The following SDK2 variants were observed in gnomAD, a reference collection of about 807,000 sequenced individuals.
The protein encoded by SDK2 is protein sidekick-2.
Under a neutral mutation model 253.9 loss-of-function variants are expected in SDK2, and 105 were observed. That is an observed-to-expected ratio of 0.41 (90% CI 0.35 to 0.49). SDK2 has a LOEUF of 0.49. Ranked by LOEUF, SDK2 falls within the 20% of genes least tolerant of loss-of-function variation. SDK2 has a pLI of 0.06. For synonymous variants in SDK2, 1,249 were observed against 1,234.9 expected, an observed-to-expected ratio of 1.01 and a Z score of -0.24; for missense variants, 2,608 against 3,003.0, an observed-to-expected ratio of 0.87 and a Z score of 3.07.
intron 1 of SDK2, among the ~76,000 whole-genome samples, chr17:73,545,810 T>C (rs911336694): frequency 3.3e-5 from 5 of 152,114 alleles, no homozygotes; most frequent in Non-Finnish European, 5.9e-5. Context: ...TCTGGTCTCA[T>C]TCTTCCACCA....
At chr17:73,366,270 C>T (rs1406038885) in intron 37 of SDK2, among the ~76,000 whole-genome samples, 1 of 152,154 alleles carries the variant, frequency 6.6e-6, no homozygotes, top group African/African-American at 2.4e-5. Flanking sequence ...GTCCTGCTGC[C>T]GCAGTGACGG....
intron 38 of SDK2, 136 bp downstream of exon 38, chr17:73,365,122 C>T: frequency 1.7e-6 from 1 of 579,372 alleles, no homozygotes; most frequent in South Asian, 4.4e-5. Context: ...TTGTCTGGGA[C>T]TCAGTTTCCG....
Position 73,457,296 on chromosome 17 carries a change from T to TCC in SDK2, c.332-1245_332-1244dup, listed in dbSNP as rs2063535056. ...CTTCCTTCCTTCCTTCCCCCCTCCC[T>TCC]CCCTCCCCCTCCCCCCCTCCCCTCT... On this transcript the variant is annotated intron_variant, in intron 3 of 44. Transcript: ENST00000392650. Among the ~76,000 whole-genome samples, 54 of 16,376 alleles carry TCC rather than the reference T, an allele frequency of 3.3e-3. 7 individuals carry two copies. In the East Asian group the frequency reaches 0.098, roughly 30 times the overall value. 10.7% of individuals were successfully genotyped at this position (16,376 alleles called of 152,430 possible).
chr17:73,406,585 C>T (rs749799836), intron 18 of SDK2, among the ~76,000 whole-genome samples: 22 of 152,142 alleles, frequency 1.4e-4, no homozygotes, highest in Non-Finnish European at 2.2e-4. Flanking sequence ...GAAGAAAAAA[C>T]CAAACCAAGA....
chr17:73,338,680 G>T lies in SDK2; in HGVS notation c.6426C>A (p.Asn2142Lys), dbSNP rs1305266997. 1.9e-6 allele frequency: 3 copies of T among 1,597,504 alleles called. No individual in the cohort carries two copies. Among genetic ancestry groups the T allele is most frequent in the Middle Eastern group, 1.7e-4 (1 of 5,936 alleles). Residue 2142 changes from asparagine to lysine, a missense_variant, in exon 45 of 45, where the codon AAC becomes AAA. Coordinates refer to ENST00000392650, the MANE Select transcript of SDK2 (RefSeq NM_001144952.2). The surrounding 1 kb of genome is among the most constrained non-coding windows in gnomAD (Gnocchi z 5.0). ...AGAGGGTGCTCTGCTGACTTGGGGG[G>T]TTAGGGGGGTTCTGGGGCGTTGGAG... Reference protein sequence around the residue: ...SRTPTPQNPPNPPSQQSTLYR... With the variant: ...SRTPTPQNPPKPPSQQSTLYR...
rs1223668965 is a variant in SDK2, at chr17:73,643,054, C to G, written c.64+971G>C. 2.0e-5 allele frequency: 3 copies of G among 152,372 alleles called. No homozygotes were observed. In the East Asian group the frequency reaches 5.8e-4, roughly 29 times the overall value. The allele number at this position is 152,372 out of a possible 1,614,324, so 9.4% of individuals were successfully genotyped here. A position where few individuals can be genotyped will look rare whatever the true frequency, so the allele number is the denominator to read the frequency against. On this transcript the variant is annotated intron_variant, in intron 1 of 44. Coordinates refer to ENST00000392650, the MANE Select transcript of SDK2 (RefSeq NM_001144952.2). This position sits in a 1 kb window ranked among gnomAD's most constrained non-coding sequence, Gnocchi z 6.9. ...GCCCCCAGCAGGCGCCGCTCGGACA[C>G]CGCTGACACCACTGTCTGGATCGGC... is the stretch of plus-strand genomic sequence containing the variant.
At chr17:73,517,281 A>G (rs1455425637) in intron 1 of SDK2, 1 of 152,172 alleles carries the variant, frequency 6.6e-6, no homozygotes, top group Non-Finnish European at 1.5e-5. Context: ...CCCCAAATTC[A>G]TGTCCTTCCC....
intron 38 of SDK2, among the ~76,000 whole-genome samples, chr17:73,364,256 C>T (rs1203132577): frequency 6.6e-6 from 1 of 152,106 alleles, no homozygotes; most frequent in Non-Finnish European, 1.5e-5. Flanking sequence ...TACCAGATGC[C>T]CATTGTCAGG....
intron 1 of SDK2, among the ~76,000 whole-genome samples, chr17:73,622,033 G>A (rs1252275431): frequency 6.6e-6 from 1 of 152,192 alleles, no homozygotes; most frequent in Non-Finnish European, 1.5e-5. Flanking sequence ...CCAGTTCTCA[G>A]CTACCCGTCC....
intron 17 of SDK2, among the ~76,000 whole-genome samples, chr17:73,415,379 GTC>G (rs1162039959): frequency 4.2e-4 from 57 of 137,200 alleles, no homozygotes; most frequent in African/African-American, 1.3e-3. Flanking sequence ...TTGAGACAGA[GTC>G]TCACTTTGTC....
intron 29 of SDK2, among the ~76,000 whole-genome samples, chr17:73,388,699 T>C (rs141238638): frequency 6.6e-6 from 1 of 151,828 alleles, no homozygotes; most frequent in Non-Finnish European, 1.5e-5. Flanking sequence ...ACTGTACTAA[T>C]GGTTTTTCCT....
At chr17:73,579,388 G>A (rs1311481536) in intron 1 of SDK2, among the ~76,000 whole-genome samples, 1 of 152,096 alleles carries the variant, frequency 6.6e-6, no homozygotes, top group Non-Finnish European at 1.5e-5. Flanking sequence ...TCATGCTCTT[G>A]CCTATCACAC....
In SDK2 at chr17:73,365,728, G is replaced by C. The variant is rs565242367; in HGVS notation, c.5168-333C>G. Among the ~76,000 whole-genome samples, 3 of 152,282 alleles carry C rather than the reference G, an allele frequency of 2.0e-5. No homozygotes were observed. The East Asian group carries it at 5.8e-4, about 30-fold the overall frequency. On this transcript the variant is annotated intron_variant, in intron 37 of 44. Coordinates refer to ENST00000392650, the MANE Select transcript of SDK2 (RefSeq NM_001144952.2). ...AAGCTGTCACACCCCCGGGGTCATC[G>C]TGGGGCAAGGCCATTTCCTGGCTTT...
intron 5 of SDK2, among the ~76,000 whole-genome samples, chr17:73,442,543 G>A (rs981383946): frequency 2.6e-5 from 4 of 152,126 alleles, no homozygotes; most frequent in African/African-American, 7.2e-5. Context: ...GTTTCACTAT[G>A]TTGGCCAGGC....
chr17:73,394,520 C>T (rs1454374907), intron 25 of SDK2, among the ~76,000 whole-genome samples, 196 bp from the exon 26 acceptor site: 10 of 152,202 alleles, frequency 6.6e-5, no homozygotes, highest in Admixed American at 6.5e-5. Context: ...CTGCAGATGC[C>T]GTTTCCGGTT....
Position 73,361,540 on chromosome 17 carries a change from G to T in SDK2, c.5467+144C>A. 1 of 750,616 alleles carries T rather than the reference G, an allele frequency of 1.3e-6. No homozygotes were observed. Among genetic ancestry groups the T allele is most frequent in the Non-Finnish European group, 2.1e-6 (1 of 477,970 alleles). 46.5% of individuals were successfully genotyped at this position (750,616 alleles called of 1,614,324 possible). On this transcript the variant is annotated intron_variant, in intron 39 of 44. Transcript: ENST00000392650. The surrounding 1 kb of genome is among the most constrained non-coding windows in gnomAD (Gnocchi z 4.1). The stretch of plus-strand genomic sequence containing the variant: ...CCGGGAGGAGGGAGCGGGGGGAGGG[G>T]TCACTGGGCACCAGGGGAAAGAGTG...
At chr17:73,535,068 T>A (rs1413216460) in intron 1 of SDK2, among the ~76,000 whole-genome samples, 1 of 152,152 alleles carries the variant, frequency 6.6e-6, no homozygotes, top group Non-Finnish European at 1.5e-5. Flanking sequence ...CCTGCCCATC[T>A]CATAGTGACA....
chr17:73,532,720 G>C (rs532258824), intron 1 of SDK2, among the ~76,000 whole-genome samples: 2 of 152,152 alleles, frequency 1.3e-5, no homozygotes, highest in African/African-American at 2.4e-5. Context: ...GAAACGGGGG[G>C]GCTGGAGGCT....
At chr17:73,636,683 A>G (rs2046334655) in intron 1 of SDK2, among the ~76,000 whole-genome samples, 1 of 106,716 alleles carries the variant, frequency 9.4e-6, no homozygotes, top group Non-Finnish European at 1.8e-5. Flanking sequence ...TCTGTCTCAA[A>G]AAAAAAAAAA....
Sources: gnomAD v4.1 joint callset for allele counts (sites outside exome capture counted in the v4.1 genomes callset) on GRCh38, gnomAD v4.1.1 for gene constraint, Gnocchi (gnomAD v3.1) non-coding constraint, MANE v1.5 for transcripts, NCBI Gene and HGNC (gene_info 2026-07-23, HGNC 2026-07-21) for gene names.